CSMD2: variants seen among roughly 807,000 people sequenced by gnomAD.
CSMD2 encodes the protein CUB and Sushi multiple domains 2.
Under a neutral mutation model 398.5 loss-of-function variants are expected in CSMD2, and 130 were observed. That is an observed-to-expected ratio of 0.33 (90% confidence interval 0.28 to 0.38). The LOEUF is 0.38. CSMD2 is among the 10% of genes least tolerant of loss of function. The pLI, the probability that CSMD2 is intolerant of heterozygous loss-of-function variation, is 1.00. For missense variants in CSMD2, 3,829 were observed against 4,764.9 expected (o/e 0.80, Z 5.78); for synonymous variants, 1,828 against 1,908.5 (o/e 0.96, Z 1.10).
chr1:33,525,125 C>T (rs1654658932), intron 65 of CSMD2, 82 bp from the exon 66 acceptor site: 1 of 1,402,710 alleles, frequency 7.1e-7, no homozygotes. Context: ...GATCCCAGCC[C>T]ACTCACTGGG....
chr1:33,786,887 A>G (rs111258509), intron 12 of CSMD2, among the ~76,000 whole-genome samples: 15 of 152,328 alleles, frequency 9.8e-5, no homozygotes, highest in African/African-American at 2.9e-4. Context: ...GCCTCCTGTT[A>G]TGGGGTGAAC....
intron 11 of CSMD2, 105 bp downstream of exon 11, chr1:33,792,318 C>T: frequency 1.3e-6 from 1 of 775,722 alleles, no homozygotes; most frequent in East Asian, 2.5e-5. Context: ...AGGATACTGT[C>T]TTTGCTGTAG....
intron 2 of CSMD2, among the ~76,000 whole-genome samples, chr1:34,080,641 A>C (rs1216962378): frequency 6.6e-6 from 1 of 152,152 alleles, no homozygotes; most frequent in Non-Finnish European, 1.5e-5. Flanking sequence ...TTTCTAAAAT[A>C]ACAACTAGCC....
intron 3 of CSMD2, among the ~76,000 whole-genome samples, chr1:34,015,930 G>A (rs1278576679): frequency 6.6e-6 from 1 of 152,000 alleles, no homozygotes; most frequent in Non-Finnish European, 1.5e-5. Context: ...GCTCAAGAAA[G>A]TATGGCCAGC....
chr1:33,587,090 A>G lies in CSMD2; in HGVS notation c.6935T>C (p.Ile2312Thr). 1 of 1,601,954 alleles carries G rather than the reference A, an allele frequency of 6.2e-7. No homozygotes were observed. Among genetic ancestry groups the G allele is most frequent in the Non-Finnish European group, 8.5e-7 (1 of 1,174,094 alleles). Reference protein sequence around the residue: ...EVVTENEEFNIGDIVRYRCLP... With the variant: ...EVVTENEEFNTGDIVRYRCLP... ...CTTGCTGGCTTGGGAGGTGGTACCT[A>G]TATTGAATTCTTCATTCTCTGTGAC... Residue 2312 changes from isoleucine to threonine, a missense_variant and splice_region_variant, in exon 45 of 71, where the codon ATA becomes ACA. Ile to Thr is a moderately conservative substitution (Grantham distance 89, BLOSUM62 -1). This residue lies in a region of CSMD2 where 723 missense variants were observed against 758.6 expected (regional missense o/e 0.95). Coordinates refer to ENST00000373381, the MANE Select transcript of CSMD2 (RefSeq NM_001281956.2).
intron 20 of CSMD2, among the ~76,000 whole-genome samples, chr1:33,714,987 TGGGGAAGCAC>T (rs999903950): frequency 4.6e-5 from 7 of 151,664 alleles, no homozygotes; most frequent in African/African-American, 1.7e-4. Flanking sequence ...GAGAGAAACA[TGGGGAAGCAC>T]GGGGAGGCAG....
chr1:33,804,244 T>C (rs940706519), intron 10 of CSMD2, among the ~76,000 whole-genome samples: 22 of 152,230 alleles, frequency 1.4e-4, no homozygotes, highest in African/African-American at 4.8e-4. Flanking sequence ...AATCTGTGTT[T>C]TGAGATAAAA....
intron 2 of CSMD2, among the ~76,000 whole-genome samples, chr1:34,080,760 A>G (rs1396323071): frequency 6.6e-6 from 1 of 152,104 alleles, no homozygotes; most frequent in Non-Finnish European, 1.5e-5. Context: ...CAAAATTGGC[A>G]AAAGAACAAT....
intron 3 of CSMD2, among the ~76,000 whole-genome samples, chr1:33,950,577 G>A (rs978243385): frequency 6.6e-6 from 1 of 152,230 alleles, no homozygotes; most frequent in Non-Finnish European, 1.5e-5. Flanking sequence ...AGAGCCTGTT[G>A]AGGATGGGCA....
Position 33,614,625 on chromosome 1 carries a change from G to C in CSMD2, c.6017-5C>G. Reference sequence around the variant, plus strand: ...CCACTGTTCCCCCACACTGTGCTGTGACAATGAGATGAGACAGAGGGTCAG... The same window carrying C: ...CCACTGTTCCCCCACACTGTGCTGTCACAATGAGATGAGACAGAGGGTCAG... On this transcript the variant is annotated splice_polypyrimidine_tract_variant and splice_region_variant and intron_variant, in intron 39 of 70. Transcript: ENST00000373381. The C allele has an allele frequency of 6.4e-7, 1 of 1,554,110 alleles. No individual in the cohort carries two copies.
At chr1:33,960,756 G>C (rs916772181) in intron 3 of CSMD2, among the ~76,000 whole-genome samples, 5 of 152,244 alleles carry the variant, frequency 3.3e-5, no homozygotes, top group Admixed American at 6.5e-5. Context: ...TGGGGGATGA[G>C]AGTTTTGCAT....
chr1:33,973,162 A>C (rs1010660378), intron 3 of CSMD2, among the ~76,000 whole-genome samples: 2 of 152,086 alleles, frequency 1.3e-5, no homozygotes, highest in African/African-American at 4.8e-5. Flanking sequence ...CCCTGCTAGG[A>C]TCCTCCCCTG....
chr1:33,805,564 T>C (rs1483743497), intron 10 of CSMD2, among the ~76,000 whole-genome samples: 1 of 152,114 alleles, frequency 6.6e-6, no homozygotes, highest in African/African-American at 2.4e-5. Context: ...TTATAATATG[T>C]CCCCCTGAAT....
At chr1:33,783,601 C>A (rs897069996) in intron 12 of CSMD2, among the ~76,000 whole-genome samples, 1 of 152,110 alleles carries the variant, frequency 6.6e-6, no homozygotes, top group African/African-American at 2.4e-5. Context: ...GATTTCCAGC[C>A]TCTAGAACTG....
rs556649452 is a variant in CSMD2 at position 34,035,751 on chromosome 1, A to AC, written c.405-3046dup. 3.8e-4 allele frequency among the ~76,000 whole-genome samples: 58 copies of AC among 151,850 alleles called. No individual in the cohort carries two copies. The South Asian group carries it at 0.011, about 30-fold the overall frequency. On this transcript the variant is annotated intron_variant, in intron 2 of 70. Transcript: ENST00000373381. ...AAAGAACATCTACAAAAAAAAAAAA[A>AC]CAGTAGCTGACATCACACTTCATGG...
At position 33,724,384 on chromosome 1, in the gene CSMD2, A is replaced by G. The variant is rs1056985353; in HGVS notation, c.2885-71T>C. The G allele has an allele frequency of 2.5e-5, 38 of 1,498,026 alleles. 1 individual carries two copies. Among genetic ancestry groups the G allele is most frequent in the Non-Finnish European group, 3.5e-5 (38 of 1,082,694 alleles). The allele number at this position is 1,498,026 out of a possible 1,614,324, so 92.8% of individuals were successfully genotyped here. On this transcript the variant is annotated intron_variant, in intron 18 of 70. Transcript: ENST00000373381. ...GGAGCACCCCCGTCATCCTCCTGGG[A>G]CCCCATCCCCCATCTCTCGAAAGCC...
intron 41 of CSMD2, among the ~76,000 whole-genome samples, chr1:33,609,662 T>A (rs2148831558): frequency 6.6e-6 from 1 of 152,348 alleles, no homozygotes; most frequent in African/African-American, 2.4e-5. Flanking sequence ...ATTGTTTGTG[T>A]AATTAAAAAT....
chr1:33,646,591 C>A (rs1246529631), intron 29 of CSMD2, 57 bp downstream of exon 29: 3 of 1,574,866 alleles, frequency 1.9e-6, no homozygotes, highest in Non-Finnish European at 2.6e-6. Context: ...ACACTACTTG[C>A]CCTCTGCCTT....
chr1:33,847,125 G>A, intron 5 of CSMD2, 129 bp from the exon 6 acceptor site: 1 of 584,998 alleles, frequency 1.7e-6, no homozygotes, highest in Non-Finnish European at 2.9e-6. Context: ...GGAAGGGAAG[G>A]CGGTGTTGCC....
Sources: allele counts gnomAD v4.1 joint callset (sites outside exome capture counted in the v4.1 genomes callset), GRCh38; gene constraint gnomAD v4.1.1; regional missense constraint gnomAD v4.1.1; transcripts MANE v1.5; gene names NCBI Gene and HGNC (gene_info 2026-07-23, HGNC 2026-07-21).